Variants in PCDHGA5 observed in about 807,000 individuals in gnomAD.
The protein encoded by PCDHGA5 is protocadherin gamma subfamily A, 5.
PCDHGA5 carries 36 observed loss-of-function variants against 56.7 expected under a neutral mutation model. The observed-to-expected ratio is 0.64, with a 90% CI of 0.49 to 0.84. PCDHGA5 has a LOEUF of 0.84. Among genes scored for constraint, PCDHGA5 ranks in the 40% least tolerant of loss-of-function variants. The pLI is 0.00. For synonymous variants in PCDHGA5, 563 were observed against 520.2 expected (o/e 1.08, Z -1.12); for missense variants, 1,305 against 1,201.5 (o/e 1.09, Z -1.27).
chr5:141,385,573 C>T lies in PCDHGA5; in HGVS notation c.2421+18822C>T, dbSNP rs576834153. 10 of 1,295,026 alleles carry T rather than the reference C, an allele frequency of 7.7e-6. No individual in the cohort carries two copies. In the East Asian group the frequency reaches 2.7e-4, roughly 35 times the overall value. The allele number at this position is 1,295,026 out of a possible 1,614,324, so 80.2% of individuals were successfully genotyped here. On this transcript the variant is annotated intron_variant, in intron 1 of 3. Coordinates refer to ENST00000518069, the MANE Select transcript of PCDHGA5 (RefSeq NM_018918.3). Reference sequence around the variant, plus strand: ...ACATTTTATAATTTCCACCTACTTTCCAATCTATGTTCCAACCTACTTTCT... The same window carrying T: ...ACATTTTATAATTTCCACCTACTTTTCAATCTATGTTCCAACCTACTTTCT...
At chr5:141,409,515 T>G (rs1273041163) in intron 1 of PCDHGA5, 1 of 1,613,844 alleles carries the variant, frequency 6.2e-7, no homozygotes, top group Non-Finnish European at 8.5e-7. Context: ...AGTAGAAGCA[T>G]CACCTTGTAT....
intron 1 of PCDHGA5, among the ~76,000 whole-genome samples, chr5:141,380,158 T>C (rs939673033): frequency 6.6e-6 from 1 of 151,976 alleles, no homozygotes; most frequent in Non-Finnish European, 1.5e-5. Flanking sequence ...CCTCAGCCTC[T>C]CAAAGGGCTG....
chr5:141,381,901 C>T (rs1036292864), intron 1 of PCDHGA5, among the ~76,000 whole-genome samples: 24 of 130,248 alleles, frequency 1.8e-4, no homozygotes, highest in African/African-American at 6.8e-4. Flanking sequence ...GTGATCTCGG[C>T]TCACCACAAC....
chr5:141,419,165 A>G, intron 1 of PCDHGA5: 1 of 1,613,978 alleles, frequency 6.2e-7, no homozygotes, highest in Non-Finnish European at 8.5e-7. Flanking sequence ...ATCCTCCAGC[A>G]AAACCATAAC....
intron 1 of PCDHGA5, chr5:141,413,467 G>C: frequency 1.2e-6 from 2 of 1,614,136 alleles, no homozygotes; most frequent in East Asian, 2.2e-5. Context: ...AGACCGGGAG[G>C]AGCTCTGCGC....
In PCDHGA5 at chr5:141,486,757, C is replaced by A; in HGVS notation, c.2422-8050C>A. 5 of 1,614,228 alleles carry A rather than the reference C, an allele frequency of 3.1e-6. No homozygotes were observed. Among genetic ancestry groups the A allele is most frequent in the Non-Finnish European group, 4.2e-6 (5 of 1,180,036 alleles). ...CTCGATCCTTTGACTATGAGCAAAC[C>A]CAGACACTGCAGTTTGAGGTGCAGG... On this transcript the variant is annotated intron_variant, in intron 1 of 3. Coordinates refer to ENST00000518069, the MANE Select transcript of PCDHGA5 (RefSeq NM_018918.3). This position sits in a 1 kb window ranked among gnomAD's most constrained non-coding sequence, Gnocchi z 5.0.
Position 141,485,943 on chromosome 5 carries a change from C to A in PCDHGA5, c.2422-8864C>A, listed in dbSNP as rs750871245. The A allele has an allele frequency of 1.9e-6, 3 of 1,614,126 alleles. No individual in the cohort carries two copies. Among genetic ancestry groups the A allele is most frequent in the Non-Finnish European group, 1.7e-6 (2 of 1,180,012 alleles). ...ATTAGTGTGTTGGAGAGCGCACCAG[C>A]GGGCATGGTGCTCATCCAGCTCAAT... is the stretch of plus-strand genomic sequence containing the variant. On this transcript the variant is annotated intron_variant, in intron 1 of 3. Coordinates refer to ENST00000518069, the MANE Select transcript of PCDHGA5 (RefSeq NM_018918.3). The surrounding 1 kb of genome is among the most constrained non-coding windows in gnomAD (Gnocchi z 5.7).
At chr5:141,383,774 TTCA>T in intron 1 of PCDHGA5, 1 of 1,613,980 alleles carries the variant, frequency 6.2e-7, no homozygotes, top group South Asian at 1.1e-5. Flanking sequence ...CCAAAGATGT[TTCA>T]TCTGAACTCG....
intron 1 of PCDHGA5, chr5:141,378,041 T>C (rs1774568031): frequency 6.6e-6 from 1 of 152,220 alleles, no homozygotes; most frequent in Admixed American, 6.5e-5. Flanking sequence ...AACAAGACTT[T>C]CCTTATCTAT....
At chr5:141,445,612 CT>C (rs996122021) in intron 1 of PCDHGA5, among the ~76,000 whole-genome samples, 1 of 151,994 alleles carries the variant, frequency 6.6e-6, no homozygotes, top group Non-Finnish European at 1.5e-5. Flanking sequence ...GGAAGGCTTT[CT>C]TTTTTTCGGA....
At chr5:141,417,626 T>A (rs1156653216) in intron 1 of PCDHGA5, 3 of 689,458 alleles carry the variant, frequency 4.4e-6, no homozygotes, top group Non-Finnish European at 6.8e-6. Context: ...GAGCAAGCGC[T>A]GACGCCGGGG....
At chr5:141,397,923 C>T in intron 1 of PCDHGA5, 1 of 738,672 alleles carries the variant, frequency 1.4e-6, no homozygotes, top group East Asian at 2.8e-5. Flanking sequence ...GATCTCCTCG[C>T]GCAGCCGCAG....
chr5:141,482,593 G>A (rs1314658005), intron 1 of PCDHGA5, among the ~76,000 whole-genome samples: 4 of 149,900 alleles, frequency 2.7e-5, no homozygotes, highest in Non-Finnish European at 5.9e-5. Flanking sequence ...GGGACCAAAC[G>A]GGAAAAAACA....
In PCDHGA5 at chr5:141,388,120, C is replaced by G. The variant is rs945677635; in HGVS notation, c.2421+21369C>G. The G allele has an allele frequency of 2.8e-6, 4 of 1,422,500 alleles. No homozygotes were observed. The African/African-American group carries it at 5.8e-5, about 20-fold the overall frequency. 88.1% of individuals were successfully genotyped at this position (1,422,500 alleles called of 1,614,324 possible). On this transcript the variant is annotated intron_variant, in intron 1 of 3. Coordinates refer to ENST00000518069, the MANE Select transcript of PCDHGA5 (RefSeq NM_018918.3). ...GAGAAGCCTTACTTCACCGTGAGCG[C>G]AGAGAGCGGGGAGTTGCTTGTGAGC...
At chr5:141,484,958 G>T in intron 1 of PCDHGA5, 1 of 575,874 alleles carries the variant, frequency 1.7e-6, no homozygotes. Flanking sequence ...TATTGGCTGA[G>T]CCCGGGAGCC....
intron 1 of PCDHGA5, chr5:141,400,528 A>T (rs764084750): frequency 1.9e-6 from 3 of 1,613,868 alleles, no homozygotes; most frequent in Non-Finnish European, 2.5e-6. Context: ...TGAGTTGGTG[A>T]GTTTCATTTA....
chr5:141,375,452 T>C (rs772369254), intron 1 of PCDHGA5: 2 of 1,613,876 alleles, frequency 1.2e-6, no homozygotes, highest in Non-Finnish European at 1.7e-6. Context: ...CCATTCATCC[T>C]ACTCAGTCTA....
chr5:141,371,829 C>G (rs763758826), intron 1 of PCDHGA5: 13 of 1,613,692 alleles, frequency 8.1e-6, no homozygotes, highest in Non-Finnish European at 1.0e-5. Flanking sequence ...AGCCTCGGAT[C>G]CCGACTTGGG....
rs751153896 is a variant in PCDHGA5, at chr5:141,477,514, T to C, written c.2422-17293T>C. On this transcript the variant is annotated intron_variant, in intron 1 of 3. Transcript: ENST00000518069. The surrounding 1 kb of genome is among the most constrained non-coding windows in gnomAD (Gnocchi z 4.9). ...CTCAATCTTCCTACGACGTTTACAT[T>C]GAAGAAAACAACCTCCCCGGGGCTC... is the stretch of plus-strand genomic sequence containing the variant. 2 of 1,614,114 alleles carry C rather than the reference T, an allele frequency of 1.2e-6. No individual in the cohort carries two copies. The highest frequency in any genetic ancestry group is 2.2e-5 in the East Asian group (1 of 44,878).
Sources: gnomAD v4.1 joint callset for allele counts (sites outside exome capture counted in the v4.1 genomes callset) on GRCh38, gnomAD v4.1.1 for gene constraint, Gnocchi (gnomAD v3.1) non-coding constraint, MANE v1.5 for transcripts, NCBI Gene and HGNC (gene_info 2026-07-23, HGNC 2026-07-21) for gene names.